The following LPA variants were observed in gnomAD, a reference collection of about 807,000 sequenced individuals.
LPA encodes the protein apolipoprotein(a).
In LPA, 199 loss-of-function variants were observed where a neutral mutation model predicts 197.9. That is an observed-to-expected ratio of 1.01 (90% CI 0.90 to 1.13). LPA has a LOEUF of 1.13. Ranked by LOEUF, LPA falls within the 50% of genes most tolerant of loss-of-function variation. The pLI is 0.00. For missense variants in LPA, 1,853 were observed against 1,785.8 expected, an observed-to-expected ratio of 1.04 and a Z score of -0.68; for synonymous variants, 715 against 639.5, an observed-to-expected ratio of 1.12 and a Z score of -1.78.
Position 160,581,963 on chromosome 6 carries a change from G to T in LPA, c.4289+3083C>A, listed in dbSNP as rs1192074767. ...TTTTTTTGTTTTGATAGTATTTTGT[G>T]GTTTTGATGCCAATTCCCATATGGT... On this transcript the variant is annotated intron_variant, in intron 26 of 38. Transcript: ENST00000316300. Among the ~76,000 whole-genome samples, 4 of 151,882 alleles carry T rather than the reference G, an allele frequency of 2.6e-5. No individual in the cohort carries two copies. The South Asian group carries it at 8.3e-4, about 32-fold the overall frequency.
chr6:160,635,020 T>G, intron 7 of LPA, 103 bp downstream of exon 7: 1 of 1,506,518 alleles, frequency 6.6e-7, no homozygotes. Context: ...CCGGCAACAC[T>G]CGAGCATCCG....
At chr6:160,541,301 G>T in intron 34 of LPA, 120 bp from the exon 35 acceptor site, 1 of 772,376 alleles carries the variant, frequency 1.3e-6, no homozygotes, top group Non-Finnish European at 2.3e-6. Context: ...CCAAAGCAAA[G>T]GACTACCGCC....
At chr6:160,615,287 GC>G in intron 14 of LPA, among the ~76,000 whole-genome samples, 1 of 146,986 alleles carries the variant, frequency 6.8e-6, no homozygotes, top group South Asian at 2.2e-4. Flanking sequence ...TCAGGGGTGC[GC>G]GTGTCTGTGT....
At chr6:160,586,371 T>A in intron 25 of LPA, 78 bp downstream of exon 25, 1 of 1,547,504 alleles carries the variant, frequency 6.5e-7, no homozygotes, top group Non-Finnish European at 8.9e-7. Context: ...GCATGGAAGT[T>A]TTCTGCATCA....
chr6:160,650,337 C>T lies in LPA; in HGVS notation c.209+1G>A, dbSNP rs533200556. The T allele has an allele frequency of 3.7e-5, 59 of 1,613,018 alleles. No homozygotes were observed. Among genetic ancestry groups the T allele is most frequent in the African/African-American group, 1.2e-4 (9 of 74,978 alleles). Reference sequence around the variant, plus strand: ...TGCTTACTGTAAGATTAATGACATACGCATTTGGGTAGTTTTCTGTGGTCC... The same window carrying T: ...TGCTTACTGTAAGATTAATGACATATGCATTTGGGTAGTTTTCTGTGGTCC... On this transcript the variant is annotated splice_donor_variant, in intron 2 of 38. Transcript: ENST00000316300. LOFTEE classifies it high-confidence loss of function.
At chr6:160,576,369 T>TATATATATATATATATAC in intron 28 of LPA, among the ~76,000 whole-genome samples, 1 of 11,346 alleles carries the variant, frequency 8.8e-5, no homozygotes, top group Non-Finnish European at 1.4e-4. Context: ...TATATATACA[T>TATATATATATATATATAC]ATATATATAT....
intron 2 of LPA, among the ~76,000 whole-genome samples, chr6:160,647,255 G>T (rs1239130959): frequency 4.6e-5 from 7 of 152,146 alleles, no homozygotes; most frequent in African/African-American, 1.7e-4. Flanking sequence ...AGCTATGGAG[G>T]AGCAAAAAAC....
chr6:160,543,147 T>C (rs1254202432), intron 33 of LPA, among the ~76,000 whole-genome samples: 1 of 152,216 alleles, frequency 6.6e-6, no homozygotes, highest in Non-Finnish European at 1.5e-5. Context: ...TATGTTGAAA[T>C]GTTGCCTTCT....
chr6:160,540,224 C>G (rs1777960053), intron 35 of LPA, 41 bp from the exon 36 acceptor site: 7 of 1,613,346 alleles, frequency 4.3e-6, no homozygotes, highest in Non-Finnish European at 5.9e-6. Context: ...TATGGTCCAG[C>G]CCCTTCAGGT....
intron 26 of LPA, among the ~76,000 whole-genome samples, chr6:160,584,279 T>TTCTTCTTCTTCTTCC (rs1375935002): frequency 1.3e-5 from 2 of 149,484 alleles, no homozygotes; most frequent in Non-Finnish European, 3.0e-5. Context: ...CCTCTTCTTC[T>TTCTTCTTCTTCTTCC]TCTTCTTCTT....
At chr6:160,571,931 A>T (rs2115025195) in intron 28 of LPA, among the ~76,000 whole-genome samples, 1 of 151,546 alleles carries the variant, frequency 6.6e-6, no homozygotes, top group Admixed American at 6.6e-5. Flanking sequence ...ATGAAAAAAA[A>T]CTCCTGCAGC....
chr6:160,653,125 T>C (rs1475279053), intron 1 of LPA, among the ~76,000 whole-genome samples: 1 of 152,134 alleles, frequency 6.6e-6, no homozygotes. Context: ...AATAGAGCTG[T>C]GAAGGCTGTA....
At chr6:160,557,618 C>T (rs771794267) in intron 28 of LPA, 47 bp from the exon 29 acceptor site, 4 of 1,523,536 alleles carry the variant, frequency 2.6e-6, no homozygotes, top group African/African-American at 2.7e-5. Flanking sequence ...GGAAAAAATT[C>T]AGGGGCACCC....
intron 37 of LPA, among the ~76,000 whole-genome samples, chr6:160,536,343 C>T (rs577009889): frequency 6.6e-6 from 1 of 152,314 alleles, no homozygotes; most frequent in South Asian, 2.1e-4. Flanking sequence ...GATTTTCTGT[C>T]ACTTGCAAGA....
chr6:160,609,952 CT>C (rs1254559035), intron 16 of LPA, among the ~76,000 whole-genome samples: 4 of 152,118 alleles, frequency 2.6e-5, no homozygotes, highest in African/African-American at 4.8e-5. Flanking sequence ...TTAAGACATA[CT>C]TTTTGTATAA....
rs1582894582 is a variant in LPA, at chr6:160,637,666, A to G, written c.893+1634T>C. Among the ~76,000 whole-genome samples the G allele has an allele frequency of 3.0e-5, 4 of 135,364 alleles. No individual in the cohort carries two copies. In the East Asian group the frequency reaches 7.8e-4, roughly 26 times the overall value. The allele number at this position is 135,364 out of a possible 152,430, so 88.8% of individuals were successfully genotyped here. Reference sequence around the variant, plus strand: ...GCCGGCCATACAGTAATTTTTTTCAATTAAGACATACTTTTTTTATACTAG... The same window carrying G: ...GCCGGCCATACAGTAATTTTTTTCAGTTAAGACATACTTTTTTTATACTAG... On this transcript the variant is annotated intron_variant, in intron 6 of 38. Coordinates refer to ENST00000316300, the MANE Select transcript of LPA (RefSeq NM_005577.4).
At chr6:160,652,256 T>C (rs1039016977) in intron 1 of LPA, among the ~76,000 whole-genome samples, 4 of 151,832 alleles carry the variant, frequency 2.6e-5, no homozygotes, top group Non-Finnish European at 5.9e-5. Context: ...AATAAACAAA[T>C]TATAGTCAAA....
intron 33 of LPA, among the ~76,000 whole-genome samples, chr6:160,544,377 G>A (rs1005930158): frequency 1.3e-5 from 2 of 151,956 alleles, no homozygotes; most frequent in South Asian, 2.1e-4. Context: ...GCACCCACTC[G>A]AGAAAAAAGT....
rs1778098296 is a variant in LPA, at chr6:160,547,856, G to A, written c.5237C>T (p.Ala1746Val). The part of the protein sequence containing the change: ...VTGTPCQEWA[A>V]QEPHRHSTFI... ...CGTGCTGTGTCTATGGGGCTCCTGG[G>A]CAGCCCATTCCTGGCATGGCGTCCC... Residue 1746 changes from alanine to valine, a missense_variant, in exon 32 of 39, where the codon GCC becomes GTC. Physicochemically the swap from Ala to Val is moderately conservative, Grantham distance 64. Around this residue, in one of 3 missense-constraint regions of LPA, gnomAD observed 1,737 missense variants for 1,504.4 expected, o/e 1.15. Transcript: ENST00000316300. The A allele has an allele frequency of 6.2e-7, 1 of 1,613,954 alleles. No individual in the cohort carries two copies. The highest frequency in any genetic ancestry group is 1.1e-5 in the South Asian group (1 of 91,076).
Sources: gnomAD v4.1 joint callset for allele counts (sites outside exome capture counted in the v4.1 genomes callset) on GRCh38, gnomAD v4.1.1 for gene constraint, gnomAD v4.1.1 regional missense constraint, MANE v1.5 for transcripts, NCBI Gene and HGNC (gene_info 2026-07-23, HGNC 2026-07-21) for gene names.